CAMKMT: variants seen among roughly 807,000 people sequenced by gnomAD.
The protein encoded by CAMKMT is CaM KMT.
CAMKMT carries 53 observed loss-of-function variants against 48.0 expected under a neutral mutation model. The observed-to-expected ratio is 1.10, with a 90% CI of 0.89 to 1.39. The LOEUF (loss-of-function observed/expected upper bound fraction) is 1.39. Among genes scored for constraint, CAMKMT ranks in the 40% most tolerant of loss-of-function variants. CAMKMT has a pLI of 0.00. For missense variants in CAMKMT, 428 were observed against 402.7 expected (o/e 1.06, Z -0.54); for synonymous variants, 165 against 152.3 (o/e 1.08, Z -0.61).
At chr2:44,664,754 A>T (rs1380186409) in intron 3 of CAMKMT, among the ~76,000 whole-genome samples, 9 of 152,226 alleles carry the variant, frequency 5.9e-5, no homozygotes, top group Admixed American at 3.3e-4. Flanking sequence ...AGAAAGTTTT[A>T]AGAAGAGGTG....
At chr2:44,668,644 A>G (rs1230408075) in intron 3 of CAMKMT, among the ~76,000 whole-genome samples, 1 of 152,148 alleles carries the variant, frequency 6.6e-6, no homozygotes, top group Non-Finnish European at 1.5e-5. Flanking sequence ...CACATACAAG[A>G]CAGCATATAT....
At chr2:44,693,615 G>T (rs1393939428) in intron 3 of CAMKMT, among the ~76,000 whole-genome samples, 1 of 152,190 alleles carries the variant, frequency 6.6e-6, no homozygotes, top group Non-Finnish European at 1.5e-5. Flanking sequence ...AAACATTGTA[G>T]ATGCCCAATA....
At chr2:44,412,707 T>C (rs942133040) in intron 3 of CAMKMT, among the ~76,000 whole-genome samples, 2 of 152,038 alleles carry the variant, frequency 1.3e-5, no homozygotes, top group Admixed American at 1.3e-4. Context: ...TGACACTGAA[T>C]AAGTAAATAA....
intron 3 of CAMKMT, among the ~76,000 whole-genome samples, chr2:44,567,151 G>T (rs1668657366): frequency 6.6e-6 from 1 of 152,146 alleles, no homozygotes; most frequent in Non-Finnish European, 1.5e-5. Context: ...GGAATTACTG[G>T]CATGATGCAA....
chr2:44,674,644 T>C (rs1314907584), intron 3 of CAMKMT, among the ~76,000 whole-genome samples: 1 of 152,180 alleles, frequency 6.6e-6, no homozygotes, highest in Admixed American at 6.5e-5. Context: ...TGGTTAAGTG[T>C]TCAGGTGTCA....
chr2:44,524,242 C>T (rs1318349244), intron 3 of CAMKMT, among the ~76,000 whole-genome samples: 1 of 152,024 alleles, frequency 6.6e-6, no homozygotes, highest in Non-Finnish European at 1.5e-5. Context: ...AAATTGGGGG[C>T]TCATGTTTTA....
intron 3 of CAMKMT, among the ~76,000 whole-genome samples, chr2:44,650,321 C>T (rs953434489): frequency 7.2e-5 from 11 of 152,192 alleles, no homozygotes; most frequent in Middle Eastern, 6.8e-3. Context: ...TTCACGTGGC[C>T]GGTCATATTG....
At chr2:44,523,495 A>C (rs1029168558) in intron 3 of CAMKMT, among the ~76,000 whole-genome samples, 1 of 151,786 alleles carries the variant, frequency 6.6e-6, no homozygotes, top group Non-Finnish European at 1.5e-5. Context: ...GAGTTTCACC[A>C]TGTTGGCCAG....
chr2:44,367,067 T>G (rs570345826), intron 1 of CAMKMT, among the ~76,000 whole-genome samples: 1 of 152,178 alleles, frequency 6.6e-6, no homozygotes, highest in Admixed American at 6.5e-5. Context: ...AGCTTCCGCA[T>G]GTAAAGGATA....
chr2:44,407,873 T>C (rs1682890918), intron 3 of CAMKMT, among the ~76,000 whole-genome samples: 1 of 152,138 alleles, frequency 6.6e-6, no homozygotes, highest in Admixed American at 6.5e-5. Context: ...TGTCTCTTGC[T>C]GCACTTTACT....
At chr2:44,530,781 A>G (rs1391295362) in intron 3 of CAMKMT, among the ~76,000 whole-genome samples, 1 of 152,088 alleles carries the variant, frequency 6.6e-6, no homozygotes, top group East Asian at 1.9e-4. Flanking sequence ...GAAATTATTA[A>G]CGTTCTGATT....
At chr2:44,758,934 C>T (rs978119992) in intron 9 of CAMKMT, among the ~76,000 whole-genome samples, 4 of 152,148 alleles carry the variant, frequency 2.6e-5, no homozygotes, top group African/African-American at 9.7e-5. Context: ...TACTCAGGAC[C>T]AGAGGATAGA....
chr2:44,640,790 C>G (rs1673407355), intron 3 of CAMKMT, among the ~76,000 whole-genome samples: 1 of 152,184 alleles, frequency 6.6e-6, no homozygotes, highest in South Asian at 2.1e-4. Flanking sequence ...TGTAATGTTG[C>G]TATTGAAAAG....
intron 1 of CAMKMT, among the ~76,000 whole-genome samples, chr2:44,363,907 TCTCAAACTCCTGAC>T: frequency 6.6e-6 from 1 of 151,622 alleles, no homozygotes; most frequent in African/African-American, 2.4e-5. Flanking sequence ...GCCAGGCTGG[TCTCAAACTCCTGAC>T]CTCAGGTGAT....
At chr2:44,735,819 A>G (rs1679325612) in intron 7 of CAMKMT, among the ~76,000 whole-genome samples, 1 of 152,118 alleles carries the variant, frequency 6.6e-6, no homozygotes, top group Non-Finnish European at 1.5e-5. Context: ...AGGCTGAGAC[A>G]GGAGAATAGC....
At chr2:44,737,736 AGTTC>A (rs1453773497) in intron 7 of CAMKMT, among the ~76,000 whole-genome samples, 1 of 151,714 alleles carries the variant, frequency 6.6e-6, no homozygotes, top group Non-Finnish European at 1.5e-5. Flanking sequence ...AGATCTCCAG[AGTTC>A]TCTCTCTCTC....
intron 3 of CAMKMT, among the ~76,000 whole-genome samples, chr2:44,650,335 G>A (rs1345521002): frequency 1.3e-5 from 2 of 152,108 alleles, no homozygotes; most frequent in African/African-American, 2.4e-5. Flanking sequence ...CATATTGGAC[G>A]AGGGGCCCAC....
intron 3 of CAMKMT, among the ~76,000 whole-genome samples, chr2:44,692,187 G>A (rs1444754490): frequency 1.3e-5 from 2 of 152,026 alleles, no homozygotes; most frequent in South Asian, 2.1e-4. Context: ...TGTAATTCAG[G>A]TTGATAAAAT....
At chr2:44,424,883 A>G (rs951527880) in intron 3 of CAMKMT, among the ~76,000 whole-genome samples, 2 of 152,184 alleles carry the variant, frequency 1.3e-5, no homozygotes, top group Non-Finnish European at 2.9e-5. Context: ...CATGTAACCA[A>G]ACACCACCTG....
Sources: allele counts gnomAD v4.1 joint callset (sites outside exome capture counted in the v4.1 genomes callset), GRCh38; gene constraint gnomAD v4.1.1; transcripts MANE v1.5; gene names NCBI Gene and HGNC (gene_info 2026-07-23, HGNC 2026-07-21).